The following IRAK2 variants were observed in gnomAD, a reference collection of about 807,000 sequenced individuals.
IRAK2 encodes the protein interleukin 1 receptor associated kinase 2.
In IRAK2, 57 loss-of-function variants were observed where a neutral mutation model predicts 72.0. The observed-to-expected ratio is 0.79, with a 90% CI of 0.64 to 0.99. The LOEUF is 0.99. IRAK2 is among the 50% of genes least tolerant of loss of function. The pLI is 0.00. For missense variants in IRAK2, 790 were observed against 794.4 expected, an observed-to-expected ratio of 0.99 and a Z score of 0.07; for synonymous variants, 293 against 312.7, an observed-to-expected ratio of 0.94 and a Z score of 0.67.
In IRAK2 at chr3:10,226,438, G is replaced by A; in HGVS notation, c.1272+5G>A. 6.2e-7 allele frequency: 1 copy of A among 1,612,378 alleles called. No individual in the cohort carries two copies. The highest frequency in any genetic ancestry group is 8.5e-7 in the Non-Finnish European group (1 of 1,179,170). On this transcript the variant is annotated splice_donor_5th_base_variant and intron_variant, in intron 10 of 12. Coordinates refer to ENST00000256458, the MANE Select transcript of IRAK2 (RefSeq NM_001570.4). ...AACCGAAGCCCGGTTTACCTGGTAA[G>A]GGAACTTGTCACATCTGGCTGGGAG...
chr3:10,230,188 G>A (rs1697837478), intron 10 of IRAK2, among the ~76,000 whole-genome samples: 1 of 152,080 alleles, frequency 6.6e-6, no homozygotes, highest in African/African-American at 2.4e-5. Context: ...ATAGTATATA[G>A]TATGATCACA....
chr3:10,180,335 T>C (rs1696941716), intron 2 of IRAK2, among the ~76,000 whole-genome samples: 1 of 152,058 alleles, frequency 6.6e-6, no homozygotes, highest in Non-Finnish European at 1.5e-5. Context: ...TCCGCCCTCA[T>C]GAGGACACAG....
intron 2 of IRAK2, among the ~76,000 whole-genome samples, chr3:10,184,756 G>A (rs1484918812): frequency 1.6e-5 from 2 of 123,814 alleles, no homozygotes; most frequent in African/African-American, 6.6e-5. Context: ...TTGAGACGGA[G>A]CCTTGCTCTG....
intron 1 of IRAK2, among the ~76,000 whole-genome samples, chr3:10,172,460 C>A (rs1195471298): frequency 6.7e-6 from 1 of 148,580 alleles, no homozygotes; most frequent in African/African-American, 2.5e-5. Flanking sequence ...ATTGCTTGAA[C>A]CTGGGAGGTG....
At chr3:10,209,138 G>A (rs1186375386) in intron 3 of IRAK2, among the ~76,000 whole-genome samples, 1 of 152,146 alleles carries the variant, frequency 6.6e-6, no homozygotes, top group Non-Finnish European at 1.5e-5. Flanking sequence ...CCCGTGGGAT[G>A]TATCCTCGGA....
chr3:10,209,615 C>A lies in IRAK2; in HGVS notation c.451C>A (p.Pro151Thr). Reference protein sequence around the residue: ...PGSSPARAHQPAFLQPPEEDA... With the variant: ...PGSSPARAHQTAFLQPPEEDA... ...GTCCTCTCCAGCCAGAGCCCACCAG[C>A]CGGCCTTTCTCCAGCCTCCTGAAGA... Residue 151 changes from proline (P) to threonine (T), a missense_variant, in exon 4 of 13, where the codon CCG (proline) becomes ACG (threonine). Physicochemically the swap from Pro to Thr is conservative, Grantham distance 38. Transcript: ENST00000256458. 1 of 1,568,180 alleles carries A rather than the reference C, an allele frequency of 6.4e-7. No homozygotes were observed. The highest frequency in any genetic ancestry group is 8.6e-7 in the Non-Finnish European group (1 of 1,159,726).
At chr3:10,217,269 G>A (rs143363466) in intron 7 of IRAK2, among the ~76,000 whole-genome samples, 1 of 152,276 alleles carries the variant, frequency 6.6e-6, no homozygotes, top group East Asian at 1.9e-4. Context: ...AGATCAGCAT[G>A]GCCTCTGAAT....
chr3:10,222,762 G>GT lies in IRAK2; in HGVS notation c.1141dup (p.Tyr381LeufsTer37). 6.2e-7 allele frequency: 1 copy of GT among 1,614,158 alleles called. No homozygotes were observed. Among genetic ancestry groups the GT allele is most frequent in the Non-Finnish European group, 8.5e-7 (1 of 1,180,004 alleles). On this transcript the variant is annotated frameshift_variant, in exon 9 of 13. Transcript: ENST00000256458. LOFTEE classifies it high-confidence loss of function. The stretch of plus-strand genomic sequence containing the variant: ...CTCACCTGCTCCGGACGTCAGCCGC[G>GT]TATCTGCCAGAGGATTTCATCCGGG...
intron 4 of IRAK2, among the ~76,000 whole-genome samples, chr3:10,212,943 AT>A (rs1393615838): frequency 3.3e-5 from 5 of 150,648 alleles, no homozygotes; most frequent in Non-Finnish European, 5.9e-5. Flanking sequence ...TTTTTTTTGT[AT>A]TTTTTAGTAG....
intron 10 of IRAK2, among the ~76,000 whole-genome samples, chr3:10,226,706 C>T (rs1642735): frequency 0.74 from 111,607 of 151,668 alleles, 42,015 homozygotes; most frequent in East Asian, 0.99. Context: ...TCATTTGAGA[C>T]CAGGAGTTCA....
intron 10 of IRAK2, among the ~76,000 whole-genome samples, chr3:10,232,122 G>A (rs1160090577): frequency 3.0e-5 from 4 of 132,498 alleles, no homozygotes; most frequent in Non-Finnish European, 4.9e-5. Flanking sequence ...GCGAGACTCC[G>A]TCTCAACAAC....
intron 12 of IRAK2, among the ~76,000 whole-genome samples, chr3:10,241,182 G>A (rs1309118470): frequency 6.6e-6 from 1 of 151,500 alleles, no homozygotes; most frequent in Non-Finnish European, 1.5e-5. Flanking sequence ...GGACGAGGTG[G>A]GCTGATTGCT....
At chr3:10,190,375 G>C (rs998032225) in intron 2 of IRAK2, among the ~76,000 whole-genome samples, 1 of 149,430 alleles carries the variant, frequency 6.7e-6, no homozygotes, top group Non-Finnish European at 1.5e-5. Flanking sequence ...CTGCCTCGTG[G>C]ACTCAAGCAA....
intron 7 of IRAK2, 120 bp downstream of exon 7, chr3:10,217,168 CT>C: frequency 1.4e-6 from 1 of 695,974 alleles, no homozygotes; most frequent in Non-Finnish European, 2.6e-6. Flanking sequence ...ACCAGGGAGA[CT>C]TCAAGGAGAG....
At chr3:10,217,179 G>C in intron 7 of IRAK2, 131 bp downstream of exon 7, 1 of 660,052 alleles carries the variant, frequency 1.5e-6, no homozygotes, top group Non-Finnish European at 2.7e-6. Context: ...TTCAAGGAGA[G>C]AAGTGGGGCC....
chr3:10,165,824 G>A lies in IRAK2; in HGVS notation c.94+776G>A, dbSNP rs988036640. Among the ~76,000 whole-genome samples, 13 of 149,670 alleles carry A rather than the reference G, an allele frequency of 8.7e-5. 1 individual carries two copies. The East Asian group carries it at 2.2e-3, about 25-fold the overall frequency. On this transcript the variant is annotated intron_variant, in intron 1 of 12. Transcript: ENST00000256458. ...AGGCTCGTTGCAAGCTCCGCCTCCC[G>A]GGTTCACGCCATTCTCCTGCCTCAG...
At position 10,178,477 on chromosome 3, in the gene IRAK2, C is replaced by CA. The variant is rs367684251; in HGVS notation, c.277+465dup. Among the ~76,000 whole-genome samples the CA allele has an allele frequency of 1.9e-3, 282 of 150,236 alleles. 1 individual carries two copies. The highest frequency in any genetic ancestry group is 6.5e-3 in the African/African-American group (266 of 41,104). On this transcript the variant is annotated intron_variant, in intron 2 of 12. Coordinates refer to ENST00000256458, the MANE Select transcript of IRAK2 (RefSeq NM_001570.4). Reference sequence around the variant, plus strand: ...CTCCAAAAGAAAAAAAAAAAAGAAACAAAAAAAAGAAACTGGTAACAGTGG... The same window carrying CA: ...CTCCAAAAGAAAAAAAAAAAAGAAACAAAAAAAAAGAAACTGGTAACAGTGG...
At chr3:10,165,847 C>T (rs1209524958) in intron 1 of IRAK2, among the ~76,000 whole-genome samples, 2 of 151,586 alleles carry the variant, frequency 1.3e-5, no homozygotes, top group African/African-American at 4.8e-5. Flanking sequence ...TCTCCTGCCT[C>T]AGCCTTCTGA....
Position 10,176,690 on chromosome 3 carries a change from C to G in IRAK2, c.95-1148C>G, listed in dbSNP as rs577465257. Among the ~76,000 whole-genome samples the G allele has an allele frequency of 1.5e-3, 225 of 149,626 alleles. 2 individuals carry two copies. Among genetic ancestry groups the G allele is most frequent in the African/African-American group, 4.6e-3 (188 of 40,688 alleles). On this transcript the variant is annotated intron_variant, in intron 1 of 12. Transcript: ENST00000256458. Reference sequence around the variant, plus strand: ...GACGAGGTTTCACCATGTTAGCCAGCATGGTCTCAATCTCCTGACCTTGCG... The same window carrying G: ...GACGAGGTTTCACCATGTTAGCCAGGATGGTCTCAATCTCCTGACCTTGCG...
Sources: gnomAD v4.1 joint callset for allele counts (sites outside exome capture counted in the v4.1 genomes callset) on GRCh38, gnomAD v4.1.1 for gene constraint, MANE v1.5 for transcripts, NCBI Gene and HGNC (gene_info 2026-07-23, HGNC 2026-07-21) for gene names.